IL19: variants seen among roughly 807,000 people sequenced by gnomAD.
The protein encoded by IL19 is interleukin-19.
A neutral mutation model predicts 19.5 loss-of-function variants in IL19; 15 were observed. That is an observed-to-expected ratio of 0.77 (90% confidence interval 0.52 to 1.19). IL19 has a LOEUF of 1.19. Among genes scored for constraint, IL19 ranks in the 50% most tolerant of loss-of-function variants. The pLI, the probability that IL19 is intolerant of heterozygous loss-of-function variation, is 0.00. For synonymous variants in IL19, 78 were observed against 78.3 expected, an observed-to-expected ratio of 1.00 and a Z score of 0.02; for missense variants, 199 against 213.1, an observed-to-expected ratio of 0.93 and a Z score of 0.41.
chr1:206,832,610 A>G (rs1353817228), intron 2 of IL19, among the ~76,000 whole-genome samples: 1 of 152,200 alleles, frequency 6.6e-6, no homozygotes, highest in African/African-American at 2.4e-5. Context: ...TGCAGCTTCT[A>G]GGAAAAATGA....
intron 1 of IL19, among the ~76,000 whole-genome samples, chr1:206,794,492 C>A (rs570766423): frequency 6.6e-6 from 1 of 152,256 alleles, no homozygotes; most frequent in South Asian, 2.1e-4. Context: ...CACGTCGACA[C>A]CCCCTCTCTG....
In IL19 at chr1:206,841,095, G is replaced by A. The variant is rs202020832; in HGVS notation, c.438+17G>A. ...TATGATCAGGTAAGATCTGGGAAGAGGTTGGGGAAGATGGAAGATGAGAGG... is the reference window on the plus strand; with the variant it reads ...TATGATCAGGTAAGATCTGGGAAGAAGTTGGGGAAGATGGAAGATGAGAGG... On this transcript the variant is annotated intron_variant, in intron 6 of 6. Coordinates refer to ENST00000659997, the MANE Select transcript of IL19 (RefSeq NM_153758.5). The A allele has an allele frequency of 4.4e-4, 710 of 1,608,058 alleles. 8 individuals are homozygous for A. The South Asian group carries it at 5.0e-3, about 11-fold the overall frequency.
intron 1 of IL19, among the ~76,000 whole-genome samples, chr1:206,776,274 G>A (rs1415387216): frequency 6.6e-6 from 1 of 152,066 alleles, no homozygotes; most frequent in African/African-American, 2.4e-5. Context: ...CCTAACCTTT[G>A]TTGCAAGGAG....
At chr1:206,783,150 C>T (rs1675186213) in intron 1 of IL19, among the ~76,000 whole-genome samples, 4 of 152,032 alleles carry the variant, frequency 2.6e-5, no homozygotes, top group Admixed American at 2.6e-4. Context: ...ATTGTGTGGT[C>T]ATATTAAAGC....
intron 1 of IL19, among the ~76,000 whole-genome samples, chr1:206,787,847 C>T: frequency 6.6e-6 from 1 of 152,170 alleles, no homozygotes; most frequent in Admixed American, 6.5e-5. Context: ...CCTCTCCAGC[C>T]ATGCCACATA....
At chr1:206,826,801 C>A (rs982066830) in intron 2 of IL19, among the ~76,000 whole-genome samples, 40 of 152,298 alleles carry the variant, frequency 2.6e-4, no homozygotes, top group African/African-American at 9.1e-4. Flanking sequence ...ATGCCATTTG[C>A]CGTTCTGCTG....
At chr1:206,805,205 A>C (rs917400143) in intron 2 of IL19, among the ~76,000 whole-genome samples, 1 of 152,230 alleles carries the variant, frequency 6.6e-6, no homozygotes, top group Non-Finnish European at 1.5e-5. Context: ...TGAGCAAATT[A>C]AGAGTGAAAA....
At chr1:206,824,407 G>T (rs1676376809) in intron 2 of IL19, among the ~76,000 whole-genome samples, 1 of 152,218 alleles carries the variant, frequency 6.6e-6, no homozygotes, top group Admixed American at 6.5e-5. Context: ...GATGCTGTTT[G>T]TGAATGAGAA....
chr1:206,814,409 G>T (rs1676094554), intron 2 of IL19, among the ~76,000 whole-genome samples: 1 of 150,198 alleles, frequency 6.7e-6, no homozygotes, highest in African/African-American at 2.5e-5. Context: ...GAATGCTTTG[G>T]GCCTGGCGTG....
chr1:206,792,480 G>A (rs947785600), intron 1 of IL19, among the ~76,000 whole-genome samples: 1 of 151,358 alleles, frequency 6.6e-6, no homozygotes, highest in Non-Finnish European at 1.5e-5. Flanking sequence ...TTTCTGAGAT[G>A]GAGTCTTGCT....
chr1:206,812,942 CA>C (rs1397199452), intron 2 of IL19, among the ~76,000 whole-genome samples: 3 of 152,106 alleles, frequency 2.0e-5, no homozygotes, highest in Non-Finnish European at 4.4e-5. Context: ...AGAAGTAATT[CA>C]AACGGATACA....
rs1676807751 is a variant in IL19, at chr1:206,836,723, G to A, written c.61G>A (p.Asp21Asn). ...LGTILILCSV[D>N]NHGLRRCLIS... ...TACAATACTGATATTGTGCTCAGTA[G>A]ACAACCACGGTCTCAGGAGATGTCT... The change falls in exon 3 of 7, where the codon GAC (aspartate) becomes AAC (asparagine). Residue 21 changes from aspartate (D) to asparagine (N), a missense_variant. Coordinates refer to ENST00000659997, the MANE Select transcript of IL19 (RefSeq NM_153758.5). 2 of 1,613,570 alleles carry A rather than the reference G, an allele frequency of 1.2e-6. No individual in the cohort carries two copies. Among genetic ancestry groups the A allele is most frequent in the South Asian group, 1.1e-5 (1 of 91,068 alleles).
At chr1:206,840,033 G>A in intron 5 of IL19, 31 bp downstream of exon 5, 1 of 1,613,450 alleles carries the variant, frequency 6.2e-7, no homozygotes, top group East Asian at 2.2e-5. Flanking sequence ...TCCAGCATCT[G>A]CTCCCTGTCT....
chr1:206,822,776 G>A (rs796816063), intron 2 of IL19, among the ~76,000 whole-genome samples: 28 of 152,210 alleles, frequency 1.8e-4, no homozygotes, highest in African/African-American at 6.0e-4. Context: ...GTCCCCCAAC[G>A]CTTCGGTGTC....
At chr1:206,802,199 T>A (rs1391400074) in intron 2 of IL19, among the ~76,000 whole-genome samples, 2 of 151,386 alleles carry the variant, frequency 1.3e-5, no homozygotes, top group African/African-American at 4.8e-5. Flanking sequence ...GCTTATGAGT[T>A]GGTGATGGAG....
At chr1:206,772,275 A>C in intron 1 of IL19, 1 of 1,613,962 alleles carries the variant, frequency 6.2e-7, no homozygotes, top group Non-Finnish European at 8.5e-7. Context: ...ACTCACAAAG[A>C]AAGTCTTCAC....
At chr1:206,834,539 G>T in intron 2 of IL19, 1 of 648,842 alleles carries the variant, frequency 1.5e-6, no homozygotes, top group Non-Finnish European at 1.9e-6. Flanking sequence ...GGTAGAATGG[G>T]AAGGGGTACT....
chr1:206,777,406 CAAAAAA>C (rs761553258), intron 1 of IL19, among the ~76,000 whole-genome samples: 1 of 54,040 alleles, frequency 1.9e-5, no homozygotes. Flanking sequence ...GACTCCGTCT[CAAAAAA>C]AAAAAAAAAA....
At chr1:206,824,580 G>T (rs1004743650) in intron 2 of IL19, among the ~76,000 whole-genome samples, 1 of 152,122 alleles carries the variant, frequency 6.6e-6, no homozygotes, top group African/African-American at 2.4e-5. Flanking sequence ...TTATAGATGA[G>T]AAAACTGGGG....
Sources: gnomAD v4.1 joint callset for allele counts (sites outside exome capture counted in the v4.1 genomes callset) on GRCh38, gnomAD v4.1.1 for gene constraint, MANE v1.5 for transcripts, NCBI Gene and HGNC (gene_info 2026-07-23, HGNC 2026-07-21) for gene names.